The following PCDHGA5 variants were observed in gnomAD, a reference collection of about 807,000 sequenced individuals.
The protein encoded by PCDHGA5 is protocadherin gamma-A5.
A neutral mutation model predicts 56.7 loss-of-function variants in PCDHGA5; 36 were observed. The observed-to-expected ratio is 0.64, with a 90% confidence interval of 0.49 to 0.84. PCDHGA5 has a LOEUF of 0.84. PCDHGA5 is among the 40% of genes least tolerant of loss of function. The pLI, the probability that PCDHGA5 is intolerant of heterozygous loss-of-function variation, is 0.00. For synonymous variants in PCDHGA5, 563 were observed against 520.2 expected (o/e 1.08, Z -1.12); for missense variants, 1,305 against 1,201.5 (o/e 1.09, Z -1.27).
Position 141,489,765 on chromosome 5 carries a change from C to A in PCDHGA5, c.2422-5042C>A. On this transcript the variant is annotated intron_variant, in intron 1 of 3. Transcript: ENST00000518069. The surrounding 1 kb of genome is among the most constrained non-coding windows in gnomAD (Gnocchi z 4.5). ...TGAGCTTTTACACTCTAAGCCCCAA[C>A]AGCCACTTCTCTCTGAATGTGAAGA... 2.5e-6 allele frequency: 4 copies of A among 1,614,174 alleles called. No individual in the cohort carries two copies. The highest frequency in any genetic ancestry group is 3.4e-6 in the Non-Finnish European group (4 of 1,179,992).
chr5:141,465,611 C>T (rs1393170181), intron 1 of PCDHGA5, among the ~76,000 whole-genome samples: 1 of 152,178 alleles, frequency 6.6e-6, no homozygotes, highest in African/African-American at 2.4e-5. Context: ...CTCTTTGGCC[C>T]TCCAGGAAGT....
At chr5:141,374,243 C>T in intron 1 of PCDHGA5, 1 of 1,614,000 alleles carries the variant, frequency 6.2e-7, no homozygotes, top group East Asian at 2.2e-5. Context: ...GGATCTGGGA[C>T]TGGAGCCCCA....
intron 1 of PCDHGA5, chr5:141,398,820 G>T (rs1376527266): frequency 1.2e-6 from 2 of 1,613,854 alleles, no homozygotes; most frequent in African/African-American, 2.7e-5. Flanking sequence ...TCCGGATCCA[G>T]GTAACCGACG....
intron 1 of PCDHGA5, chr5:141,377,740 A>G (rs1017037020): frequency 9.9e-5 from 15 of 152,232 alleles, no homozygotes; most frequent in African/African-American, 3.6e-4. Context: ...ATCATTGGTA[A>G]CTGCAGCAGG....
chr5:141,376,169 G>A (rs779538880), intron 1 of PCDHGA5: 6 of 1,614,106 alleles, frequency 3.7e-6, no homozygotes, highest in African/African-American at 2.7e-5. Context: ...CCTGGTGGTG[G>A]CGGTGGCCGC....
chr5:141,371,543 A>T, intron 1 of PCDHGA5: 1 of 1,613,812 alleles, frequency 6.2e-7, no homozygotes, highest in Non-Finnish European at 8.5e-7. Context: ...GAGAAATCCT[A>T]TGCCAACTAA....
intron 1 of PCDHGA5, among the ~76,000 whole-genome samples, chr5:141,381,794 T>C (rs901900634): frequency 1.3e-4 from 19 of 150,606 alleles, no homozygotes; most frequent in Admixed American, 9.3e-4. Context: ...GGCAAGGCAA[T>C]TCCCTCTTTC....
intron 2 of PCDHGA5, among the ~76,000 whole-genome samples, chr5:141,500,508 C>T (rs2099801020): frequency 6.6e-6 from 1 of 152,078 alleles, no homozygotes; most frequent in African/African-American, 2.4e-5. Context: ...CGCGCCTGGC[C>T]GAGCTTCATT....
Position 141,476,755 on chromosome 5 carries a change from G to A in PCDHGA5, c.2422-18052G>A, listed in dbSNP as rs1307512875. The stretch of plus-strand genomic sequence containing the variant: ...AACGGGAGCCTAGTCTCCAGTTAGT[G>A]CTGACGGCGTTGGACGGAGGGACCC... On this transcript the variant is annotated intron_variant, in intron 1 of 3. Coordinates refer to ENST00000518069, the MANE Select transcript of PCDHGA5 (RefSeq NM_018918.3). This position sits in a 1 kb window ranked among gnomAD's most constrained non-coding sequence, Gnocchi z 7.6. 1.2e-6 allele frequency: 2 copies of A among 1,613,828 alleles called. No homozygotes were observed. Among genetic ancestry groups the A allele is most frequent in the Non-Finnish European group, 1.7e-6 (2 of 1,180,036 alleles).
At position 141,477,290 on chromosome 5, in the gene PCDHGA5, C is replaced by T; in HGVS notation, c.2422-17517C>T. 5 of 1,614,158 alleles carry T rather than the reference C, an allele frequency of 3.1e-6. No individual in the cohort carries two copies. In the South Asian group the frequency reaches 5.5e-5, roughly 18 times the overall value. On this transcript the variant is annotated intron_variant, in intron 1 of 3. Coordinates refer to ENST00000518069, the MANE Select transcript of PCDHGA5 (RefSeq NM_018918.3). The surrounding 1 kb of genome is among the most constrained non-coding windows in gnomAD (Gnocchi z 4.9). ...GAACGGGCTGGTGACCTGCGAAGTT[C>T]CACCGGGTCTCCCTTTCAGCCTTAC...
chr5:141,489,060 TC>T lies in PCDHGA5; in HGVS notation c.2422-5741del, dbSNP rs1037208652. 41 of 300,146 alleles carry T rather than the reference TC, an allele frequency of 1.4e-4. No individual in the cohort carries two copies. The highest frequency in any genetic ancestry group is 2.3e-4 in the Non-Finnish European group (38 of 162,914). The allele number at this position is 300,146 out of a possible 1,614,324, so 18.6% of individuals were successfully genotyped here. A position where few individuals can be genotyped will look rare whatever the true frequency, so the allele number is the denominator to read the frequency against. On this transcript the variant is annotated intron_variant, in intron 1 of 3. Coordinates refer to ENST00000518069, the MANE Select transcript of PCDHGA5 (RefSeq NM_018918.3). This position sits in a 1 kb window ranked among gnomAD's most constrained non-coding sequence, Gnocchi z 4.5. ...CAGCTCCACTCAAATTCAGCTCCCC[TC>T]CCCCCTGCCCACCCCCGCCACTCGG...
intron 1 of PCDHGA5, chr5:141,376,390 T>C (rs776058989): frequency 1.0e-4 from 166 of 1,614,188 alleles, no homozygotes; most frequent in Middle Eastern, 1.6e-4. Flanking sequence ...GTCATCTGAT[T>C]TTCCCCCAGC....
chr5:141,386,970 C>T (rs767088472), intron 1 of PCDHGA5, among the ~76,000 whole-genome samples: 17 of 152,108 alleles, frequency 1.1e-4, no homozygotes, highest in Non-Finnish European at 2.1e-4. Flanking sequence ...ATCTCAGTGA[C>T]TTTGTGTTTT....
chr5:141,413,014 A>T, intron 1 of PCDHGA5: 1 of 663,842 alleles, frequency 1.5e-6, no homozygotes, highest in Non-Finnish European at 2.4e-6. Context: ...CTTCAACTAC[A>T]CAAGCCCCAC....
intron 1 of PCDHGA5, chr5:141,430,977 A>G (rs761722055): frequency 1.2e-5 from 20 of 1,613,408 alleles, no homozygotes; most frequent in Middle Eastern, 1.7e-4. Flanking sequence ...GGTAGGACGC[A>G]GCTTTTCGCC....
Position 141,477,447 on chromosome 5 carries a change from G to T in PCDHGA5, c.2422-17360G>T, listed in dbSNP as rs779097830. The T allele has an allele frequency of 6.2e-7, 1 of 1,614,098 alleles. No homozygotes were observed. Among genetic ancestry groups the T allele is most frequent in the Non-Finnish European group, 8.5e-7 (1 of 1,180,016 alleles). ...TCCCTCTCAGCCCTTACAATAGTGCGTGTTCAAGTGTCCGACATCAATGAC... is the reference window on the plus strand; with the variant it reads ...TCCCTCTCAGCCCTTACAATAGTGCTTGTTCAAGTGTCCGACATCAATGAC... On this transcript the variant is annotated intron_variant, in intron 1 of 3. Coordinates refer to ENST00000518069, the MANE Select transcript of PCDHGA5 (RefSeq NM_018918.3). This position sits in a 1 kb window ranked among gnomAD's most constrained non-coding sequence, Gnocchi z 4.9.
chr5:141,387,756 A>G, intron 1 of PCDHGA5: 1 of 1,413,288 alleles, frequency 7.1e-7, no homozygotes, highest in Non-Finnish European at 9.4e-7. Context: ...CTCCTCGGAA[A>G]AAGAAGAATT....
intron 1 of PCDHGA5, chr5:141,403,657 A>G (rs753978186): frequency 2.5e-6 from 4 of 1,613,924 alleles, no homozygotes; most frequent in East Asian, 2.2e-5. Context: ...TGTTGGATAC[A>G]AATGATAATG....
At chr5:141,454,697 T>A (rs768850161) in intron 1 of PCDHGA5, among the ~76,000 whole-genome samples, 14 of 150,312 alleles carry the variant, frequency 9.3e-5, no homozygotes, top group African/African-American at 3.4e-4. Flanking sequence ...TGAGCCACCA[T>A]GCTCCACCTG....
Sources: allele counts gnomAD v4.1 joint callset (sites outside exome capture counted in the v4.1 genomes callset), GRCh38; gene constraint gnomAD v4.1.1; non-coding constraint Gnocchi (gnomAD v3.1); transcripts MANE v1.5; gene names NCBI Gene and HGNC (gene_info 2026-07-23, HGNC 2026-07-21).